CENPM: variants seen among roughly 807,000 people sequenced by gnomAD.
CENPM encodes the protein interphase centromere complex protein 39.
Under a neutral mutation model 19.6 loss-of-function variants are expected in CENPM, and 14 were observed. The observed-to-expected ratio is 0.71, with a 90% CI of 0.47 to 1.11. The LOEUF is 1.11. Ranked by LOEUF, CENPM falls within the 50% of genes most tolerant of loss-of-function variation. The pLI is 0.00. For missense variants in CENPM, 239 were observed against 228.4 expected (o/e 1.05, Z -0.30); for synonymous variants, 114 against 101.5 (o/e 1.12, Z -0.74).
intron 3 of CENPM, 98 bp from the exon 4 acceptor site, chr22:41,945,402 G>A (rs1417765603): frequency 6.4e-7 from 1 of 1,553,454 alleles, no homozygotes; most frequent in Non-Finnish European, 8.7e-7. Context: ...AGAGGCCAGA[G>A]AATGACAAGA....
intron 1 of CENPM, 28 bp from the exon 2 acceptor site, chr22:41,946,524 G>A (rs771483952): frequency 3.7e-6 from 6 of 1,602,368 alleles, no homozygotes; most frequent in Non-Finnish European, 5.1e-6. Flanking sequence ...GCGGACAGTC[G>A]AGCCCTAGGC....
In CENPM at chr22:41,946,437, G is replaced by A; in HGVS notation, c.117C>T (p.Asp39=). Residue 39 remains aspartate (D), a synonymous_variant, in exon 2 of 6, where the codon GAC becomes GAT. Transcript: ENST00000215980. ...QQLADSMLKE[D]CASELKVHLA... ...CTTACACCTTCAGCTCGGAGGCGCA[G>A]TCCTCTTTGAGCATCGAGTCCGCCA... The A allele has an allele frequency of 6.2e-7, 1 of 1,613,054 alleles. No individual in the cohort carries two copies. The highest frequency in any genetic ancestry group is 8.5e-7 in the Non-Finnish European group (1 of 1,179,970).
At chr22:41,932,785 G>A in the CENPM span, among the ~76,000 whole-genome samples, 1 of 152,218 alleles carries the variant, frequency 6.6e-6, no homozygotes, top group Non-Finnish European at 1.5e-5. This position sits in a 1 kb window ranked among gnomAD's most constrained non-coding sequence, Gnocchi z 4.3. Flanking sequence ...GGCCCCCAGG[G>A]CCAACCTCCC....
At chr22:41,945,382 C>T in intron 3 of CENPM, 78 bp from the exon 4 acceptor site, 1 of 1,592,422 alleles carries the variant, frequency 6.3e-7, no homozygotes. Context: ...GTCCTTGCTT[C>T]TCTGATCCTA....
downstream of CENPM, among the ~76,000 whole-genome samples, chr22:41,934,352 G>C (rs1220612579): frequency 6.6e-6 from 1 of 152,218 alleles, no homozygotes; most frequent in Admixed American, 6.5e-5. Context: ...GGACAAATGA[G>C]TGTGTGACTC....
intron 5 of CENPM, 86 bp downstream of exon 5, chr22:41,943,523 TA>T: frequency 8.6e-7 from 1 of 1,165,050 alleles, no homozygotes; most frequent in Non-Finnish European, 1.2e-6. Flanking sequence ...AGTCCTTCGA[TA>T]AGCATTCCCA....
intron 2 of CENPM, 54 bp from the exon 3 acceptor site, chr22:41,946,059 C>CGTA: frequency 6.9e-7 from 1 of 1,442,452 alleles, no homozygotes; most frequent in Non-Finnish European, 9.7e-7. Context: ...CTCATAGCGA[C>CGTA]CGTTTAAATG....
chr22:41,940,214 C>A, intron 5 of CENPM: 1 of 748,188 alleles, frequency 1.3e-6, no homozygotes, highest in Non-Finnish European at 2.5e-6. Context: ...TCTCCGTGGC[C>A]TGCCTGCCTA....
At chr22:41,944,966 G>T in intron 4 of CENPM, 1 of 1,333,290 alleles carries the variant, frequency 7.5e-7, no homozygotes, top group Non-Finnish European at 9.7e-7. Context: ...AGGGGTACAT[G>T]TGCAGATTTG....
downstream of CENPM, among the ~76,000 whole-genome samples, chr22:41,936,974 G>A (rs1281422416): frequency 1.3e-5 from 2 of 152,112 alleles, no homozygotes; most frequent in African/African-American, 4.8e-5. Context: ...CGAGGTGCTG[G>A]TGCAGTGCTG....
intron 1 of CENPM, 178 bp downstream of exon 1, chr22:41,946,842 C>T (rs1280230904): frequency 1.6e-6 from 1 of 639,294 alleles, no homozygotes; most frequent in Non-Finnish European, 2.8e-6. Context: ...TGGGTGCGTC[C>T]CTCAACCTCA....
rs186837283 is a variant in CENPM, at chr22:41,946,991, G to T, written c.57+29C>A. On this transcript the variant is annotated intron_variant, in intron 1 of 5. Transcript: ENST00000215980. Reference sequence around the variant, plus strand: ...AAGCACCGCCCAGGAGGAAAAACCGGCGGGGGAAGCAGGGCCGCCTGCACC... The same window carrying T: ...AAGCACCGCCCAGGAGGAAAAACCGTCGGGGGAAGCAGGGCCGCCTGCACC... 766 of 1,611,118 alleles carry T rather than the reference G, an allele frequency of 4.8e-4. 2 individuals are homozygous for T. The African/African-American group carries it at 8.8e-3, about 18-fold the overall frequency.
At chr22:41,943,733 A>G (rs2077765039) in intron 4 of CENPM, 32 bp from the exon 5 acceptor site, 3 of 1,587,160 alleles carry the variant, frequency 1.9e-6, no homozygotes, top group Admixed American at 1.7e-5. Context: ...TATAGCTGCA[A>G]TCTCTACCTT....
chr22:41,941,349 A>G (rs1384691538), intron 5 of CENPM, among the ~76,000 whole-genome samples: 1 of 152,200 alleles, frequency 6.6e-6, no homozygotes, highest in Non-Finnish European at 1.5e-5. Context: ...ATGCAGGCCT[A>G]TGTCCTGAGC....
At chr22:41,939,630 C>G (rs1206642970) in intron 5 of CENPM, among the ~76,000 whole-genome samples, 1 of 151,334 alleles carries the variant, frequency 6.6e-6, no homozygotes, top group East Asian at 1.9e-4. Context: ...GCGGGTGGCC[C>G]TCACCACAGA....
intron 5 of CENPM, 50 bp from the exon 6 acceptor site, chr22:41,939,246 C>T (rs1330147469): frequency 1.9e-6 from 3 of 1,547,310 alleles, no homozygotes; most frequent in Non-Finnish European, 1.7e-6. Context: ...GGCCCTGCTC[C>T]CTTACCCAGA....
chr22:41,930,900 G>C, the CENPM span, among the ~76,000 whole-genome samples: 2 of 142,482 alleles, frequency 1.4e-5, no homozygotes, highest in African/African-American at 5.4e-5. Flanking sequence ...GCAATGGCAC[G>C]ATCTTGGCTC....
chr22:41,932,790 C>G, the CENPM span, among the ~76,000 whole-genome samples: 1 of 152,206 alleles, frequency 6.6e-6, no homozygotes, highest in Non-Finnish European at 1.5e-5. The surrounding 1 kb of genome is among the most constrained non-coding windows in gnomAD (Gnocchi z 4.3). Context: ...CCAGGGCCAA[C>G]CTCCCAGGCC....
downstream of CENPM, among the ~76,000 whole-genome samples, chr22:41,934,488 C>G (rs147531601): frequency 1.3e-5 from 2 of 152,182 alleles, no homozygotes; most frequent in South Asian, 4.1e-4. Context: ...CTTCGCCCCC[C>G]CATTCCCAGC....
Sources: allele counts gnomAD v4.1 joint callset (sites outside exome capture counted in the v4.1 genomes callset), GRCh38; gene constraint gnomAD v4.1.1; non-coding constraint Gnocchi (gnomAD v3.1); transcripts MANE v1.5; gene names NCBI Gene and HGNC (gene_info 2026-07-23, HGNC 2026-07-21).